Variants in LSAMP observed in about 807,000 individuals in gnomAD.
LSAMP encodes limbic system-associated membrane protein.
In LSAMP, 7 loss-of-function variants were observed where a neutral mutation model predicts 38.6. The ratio of observed to expected loss-of-function variants is 0.18; its 90% CI spans 0.10 to 0.34. LSAMP has a LOEUF of 0.34. Ranked by LOEUF, LSAMP falls within the 10% of genes least tolerant of loss-of-function variation. LSAMP has a pLI of 1.00. For synonymous variants in LSAMP, 154 were observed against 166.8 expected (o/e 0.92, Z 0.59); for missense variants, 313 against 420.0 (o/e 0.75, Z 2.23).
chr3:116,328,394 A>G (rs2107737861), intron 1 of LSAMP, among the ~76,000 whole-genome samples: 1 of 152,328 alleles, frequency 6.6e-6, no homozygotes, highest in African/African-American at 2.4e-5. Context: ...TAGAAATGCA[A>G]GTGTGTTTAC....
At chr3:115,973,605 G>A (rs540355372) in intron 3 of LSAMP, among the ~76,000 whole-genome samples, 1 of 152,092 alleles carries the variant, frequency 6.6e-6, no homozygotes, top group African/African-American at 2.4e-5. Context: ...ATGGTGGCAG[G>A]TGCCTGTAAT....
chr3:115,900,330 C>G (rs1051956652), intron 3 of LSAMP, among the ~76,000 whole-genome samples: 1 of 151,916 alleles, frequency 6.6e-6, no homozygotes, highest in Non-Finnish European at 1.5e-5. Flanking sequence ...GCCTGGCCAA[C>G]ATGGTGAAAC....
chr3:116,131,181 C>T (rs1295650425), intron 1 of LSAMP, among the ~76,000 whole-genome samples: 1 of 151,888 alleles, frequency 6.6e-6, no homozygotes. Flanking sequence ...TTAGTAGAGA[C>T]AGGGTTTCAC....
intron 3 of LSAMP, among the ~76,000 whole-genome samples, chr3:115,995,474 C>T (rs928811646): frequency 6.6e-6 from 1 of 152,042 alleles, no homozygotes; most frequent in African/African-American, 2.4e-5. Flanking sequence ...TATTCTATAT[C>T]ACAGACCACT....
chr3:116,103,926 A>G (rs1708406510), intron 1 of LSAMP, among the ~76,000 whole-genome samples: 1 of 152,268 alleles, frequency 6.6e-6, no homozygotes, highest in Non-Finnish European at 1.5e-5. Context: ...GTACCTTTGT[A>G]TAATACCTGA....
chr3:116,120,796 G>A (rs1708856731), intron 1 of LSAMP, among the ~76,000 whole-genome samples: 1 of 152,178 alleles, frequency 6.6e-6, no homozygotes, highest in African/African-American at 2.4e-5. Context: ...AGAGTTTTAA[G>A]GATATCACAG....
chr3:116,104,333 C>T (rs1559743896), intron 1 of LSAMP, among the ~76,000 whole-genome samples: 1 of 151,904 alleles, frequency 6.6e-6, no homozygotes, highest in Non-Finnish European at 1.5e-5. Context: ...GAACACTCTC[C>T]ATTGTGTAGT....
intron 1 of LSAMP, among the ~76,000 whole-genome samples, chr3:116,289,657 C>T (rs916249421): frequency 7.2e-5 from 11 of 152,006 alleles, no homozygotes; most frequent in African/African-American, 2.4e-4. Flanking sequence ...CAGAGTGCCT[C>T]GGTGGTAAGA....
chr3:116,141,304 T>C (rs1213849480), intron 1 of LSAMP, among the ~76,000 whole-genome samples: 2 of 151,634 alleles, frequency 1.3e-5, no homozygotes, highest in African/African-American at 4.8e-5. Flanking sequence ...TTTTGGACAA[T>C]TGGAAGAGAC....
intron 1 of LSAMP, among the ~76,000 whole-genome samples, chr3:116,232,960 C>A (rs1463983867): frequency 1.3e-5 from 2 of 151,882 alleles, no homozygotes; most frequent in Non-Finnish European, 2.9e-5. Flanking sequence ...TTAATACCCC[C>A]CAACCCCAAC....
intron 2 of LSAMP, among the ~76,000 whole-genome samples, chr3:116,029,312 A>G (rs1236015357): frequency 2.0e-5 from 3 of 152,142 alleles, no homozygotes. Flanking sequence ...TCGGCATTTG[A>G]ATCACATTTT....
At chr3:115,971,393 TTTATC>T (rs1266615704) in intron 3 of LSAMP, among the ~76,000 whole-genome samples, 1 of 152,180 alleles carries the variant, frequency 6.6e-6, no homozygotes, top group Non-Finnish European at 1.5e-5. Context: ...TTAAAAGGGC[TTTATC>T]TTATCTTTAA....
At chr3:115,969,400 G>A (rs898787997) in intron 3 of LSAMP, among the ~76,000 whole-genome samples, 1 of 152,154 alleles carries the variant, frequency 6.6e-6, no homozygotes, top group Non-Finnish European at 1.5e-5. Flanking sequence ...CTGTCTCTAG[G>A]AACATGAAGA....
intron 1 of LSAMP, among the ~76,000 whole-genome samples, chr3:116,412,514 T>C (rs2048993665): frequency 6.6e-6 from 1 of 151,962 alleles, no homozygotes; most frequent in Non-Finnish European, 1.5e-5. Context: ...TGAAAATAGG[T>C]TTTTAATGAG....
intron 1 of LSAMP, among the ~76,000 whole-genome samples, chr3:116,154,513 C>T (rs978606407): frequency 3.3e-5 from 5 of 152,128 alleles, no homozygotes; most frequent in African/African-American, 4.8e-5. Context: ...GCTTGCCATT[C>T]GTTTTAGGTT....
chr3:116,023,636 C>T (rs1304046277), intron 2 of LSAMP, among the ~76,000 whole-genome samples: 6 of 150,734 alleles, frequency 4.0e-5, no homozygotes, highest in Non-Finnish European at 8.9e-5. Context: ...GGTTTCTTTG[C>T]CTCTAGCCTT....
rs1939408399 is a variant in LSAMP at position 115,982,983 on chromosome 3, C to T, written c.514+36532G>A. Among the ~76,000 whole-genome samples the T allele has an allele frequency of 2.7e-5, 4 of 147,592 alleles. No individual in the cohort carries two copies. The South Asian group carries it at 8.6e-4, about 32-fold the overall frequency. ...TCTAAGGCAAAGTATGAATAGCTTG[C>T]CAGAGAGGTCAGTTGAGATTCAATT... On this transcript the variant is annotated intron_variant, in intron 3 of 6. Transcript: ENST00000490035.
At chr3:116,403,897 T>C (rs902046229) in intron 1 of LSAMP, among the ~76,000 whole-genome samples, 11 of 151,664 alleles carry the variant, frequency 7.3e-5, no homozygotes, top group Non-Finnish European at 1.6e-4. Flanking sequence ...ACTACAGGTG[T>C]GTACTACTAC....
chr3:116,167,016 C>T (rs543086863), intron 1 of LSAMP, among the ~76,000 whole-genome samples: 69 of 152,172 alleles, frequency 4.5e-4, no homozygotes, highest in Non-Finnish European at 8.5e-4. Flanking sequence ...TGGTCTTGAT[C>T]TCCTGACCTC....
Sources: allele counts gnomAD v4.1 joint callset (sites outside exome capture counted in the v4.1 genomes callset), GRCh38; gene constraint gnomAD v4.1.1; transcripts MANE v1.5; gene names NCBI Gene and HGNC (gene_info 2026-07-23, HGNC 2026-07-21).